MYH13: variants seen among roughly 807,000 people sequenced by gnomAD.
MYH13 encodes the protein myosin heavy chain 13.
Under a neutral mutation model 232.1 loss-of-function variants are expected in MYH13, and 177 were observed. The ratio of observed to expected loss-of-function variants is 0.76; its 90% CI spans 0.67 to 0.86. The LOEUF (loss-of-function observed/expected upper bound fraction) is 0.86, where lower values mean the gene tolerates loss of function less well. MYH13 is among the 40% of genes least tolerant of loss of function. MYH13 has a pLI of 0.00. For missense variants in MYH13, 2,246 were observed against 2,405.9 expected (o/e 0.93, Z 1.39); for synonymous variants, 884 against 923.5 (o/e 0.96, Z 0.78).
chr17:10,315,072 T>A (rs148776660), intron 29 of MYH13, among the ~76,000 whole-genome samples: 45 of 152,196 alleles, frequency 3.0e-4, no homozygotes, highest in African/African-American at 1.1e-3. Context: ...CCAGGATGAA[T>A]TGCTGGGCAG....
In MYH13 at chr17:10,309,700, C is replaced by T. The variant is rs768453663; in HGVS notation, c.4787G>A (p.Arg1596Gln). The T allele has an allele frequency of 1.2e-6, 2 of 1,607,242 alleles. No homozygotes were observed. Among genetic ancestry groups the T allele is most frequent in the South Asian group, 2.2e-5 (2 of 89,702 alleles). Residue 1596 changes from arginine to glutamine, a missense_variant, in exon 34 of 41, where the codon CGG becomes CAG. Transcript: ENST00000252172. Reference protein sequence around the residue: ...EIEQLKRNSQRAAEALQSVLD... With the variant: ...EIEQLKRNSQQAAEALQSVLD... Reference sequence around the variant, plus strand: ...CACGCTCTGCAGGGCCTCTGCTGCCCGCTGGCTGTTTCTTTTTAGCTGCTC... The same window carrying T: ...CACGCTCTGCAGGGCCTCTGCTGCCTGCTGGCTGTTTCTTTTTAGCTGCTC...
intron 29 of MYH13, 125 bp from the exon 30 acceptor site, chr17:10,313,479 A>G: frequency 1.4e-6 from 2 of 1,407,846 alleles, no homozygotes; most frequent in Non-Finnish European, 9.6e-7. Flanking sequence ...ATTTTGCCAT[A>G]TCAGCATATC....
At chr17:10,368,134 C>A (rs917588483) in intron 2 of MYH13, among the ~76,000 whole-genome samples, 1 of 152,076 alleles carries the variant, frequency 6.6e-6, no homozygotes, top group African/African-American at 2.4e-5. Context: ...TTTTCTTACA[C>A]AATATTAAAA....
intron 23 of MYH13, among the ~76,000 whole-genome samples, chr17:10,322,209 C>T (rs985478639): frequency 3.4e-5 from 5 of 147,972 alleles, no homozygotes; most frequent in South Asian, 2.2e-4. Context: ...TGACTAACAT[C>T]GTGAAACCTC....
At position 10,327,930 on chromosome 17, in the gene MYH13, TC is replaced by T. The variant is rs754016503; in HGVS notation, c.2626del (p.Glu876SerfsTer27). The T allele has an allele frequency of 1.9e-6, 3 of 1,613,942 alleles. No homozygotes were observed. The highest frequency in any genetic ancestry group is 4.5e-5 in the East Asian group (2 of 44,876). On this transcript the variant is annotated frameshift_variant, in exon 22 of 41. Coordinates refer to ENST00000252172, the MANE Select transcript of MYH13 (RefSeq NM_003802.3). LOFTEE classifies it high-confidence loss of function. ...ELARSEARRK[E>X]LEEKMVSLLQ... Reference sequence around the variant, plus strand: ...GAGGGAGACCATTTTCTCCTCCAGCTCCTTCCGGCGAGCCTCAGATCGGGCC... The same window carrying T: ...GAGGGAGACCATTTTCTCCTCCAGCTCTTCCGGCGAGCCTCAGATCGGGCC...
At position 10,359,379 on chromosome 17, in the gene MYH13, A is replaced by G. The variant is rs568685501; in HGVS notation, c.645+581T>C. On this transcript the variant is annotated intron_variant, in intron 7 of 40. Transcript: ENST00000252172. ...TCAGAGAGGTTCCAGGTTGATGAAC[A>G]CCTAGAGGTACTGGGAGGATGTCAC... Among the ~76,000 whole-genome samples the G allele has an allele frequency of 2.2e-4, 33 of 152,308 alleles. No homozygotes were observed. The South Asian group carries it at 6.8e-3, about 32-fold the overall frequency.
chr17:10,370,103 A>T (rs1472877289), intron 2 of MYH13, among the ~76,000 whole-genome samples: 1 of 152,174 alleles, frequency 6.6e-6, no homozygotes, highest in Non-Finnish European at 1.5e-5. Flanking sequence ...TTAAAGTGTG[A>T]TATCCAAACC....
At chr17:10,305,769 A>T (rs909292497) in intron 37 of MYH13, among the ~76,000 whole-genome samples, 1 of 152,238 alleles carries the variant, frequency 6.6e-6, no homozygotes, top group Admixed American at 6.5e-5. Context: ...CAAAGGGAAC[A>T]GTCAGCAAAG....
chr17:10,344,038 G>T lies in MYH13; in HGVS notation c.1656C>A (p.Asn552Lys). The T allele has an allele frequency of 6.2e-7, 1 of 1,614,214 alleles. No individual in the cohort carries two copies. The highest frequency in any genetic ancestry group is 8.5e-7 in the Non-Finnish European group (1 of 1,180,044). ...FPKATDTSFK[N>K]KLYDQHLGKS... Reference sequence around the variant, plus strand: ...TTCCAAGATGCTGGTCATACAGCTTGTTCTTGAAGGAGGTGTCTGTTGCCT... The same window carrying T: ...TTCCAAGATGCTGGTCATACAGCTTTTTCTTGAAGGAGGTGTCTGTTGCCT... Residue 552 changes from asparagine to lysine, a missense_variant, in exon 16 of 41, where the codon AAC becomes AAA. Coordinates refer to ENST00000252172, the MANE Select transcript of MYH13 (RefSeq NM_003802.3).
chr17:10,324,284 TTA>T lies in MYH13; in HGVS notation c.2692-22_2692-21del. ...TGTTTCCTGAAAGAACCAGGTCATT[TTA>T]TGTTTTGATTGGCCTCTTTGAAAAT... On this transcript the variant is annotated intron_variant, in intron 22 of 40. Coordinates refer to ENST00000252172, the MANE Select transcript of MYH13 (RefSeq NM_003802.3). 6.2e-7 allele frequency: 1 copy of T among 1,612,076 alleles called. No homozygotes were observed. The highest frequency in any genetic ancestry group is 1.1e-5 in the South Asian group (1 of 90,644).
rs900339021 is a variant in MYH13 at position 10,365,031 on chromosome 17, C to T, written c.-12-489G>A. Reference sequence around the variant, plus strand: ...GGGATCACAGGTGCCCACCACCACACCCAGCTATTTTTTTTATATTTTTAG... The same window carrying T: ...GGGATCACAGGTGCCCACCACCACATCCAGCTATTTTTTTTATATTTTTAG... On this transcript the variant is annotated intron_variant, in intron 2 of 40. Transcript: ENST00000252172. 2.6e-5 allele frequency among the ~76,000 whole-genome samples: 4 copies of T among 152,172 alleles called. No homozygotes were observed. In the East Asian group the frequency reaches 7.8e-4, roughly 30 times the overall value.
At chr17:10,322,216 C>T (rs1906972495) in intron 23 of MYH13, among the ~76,000 whole-genome samples, 1 of 143,576 alleles carries the variant, frequency 7.0e-6, no homozygotes, top group Non-Finnish European at 1.5e-5. Flanking sequence ...CATCGTGAAA[C>T]CTCGTCTCTA....
rs142105007 is a variant in MYH13, at chr17:10,352,622, T to A, written c.1006-1928A>T. Reference sequence around the variant, plus strand: ...AAAAAACAAAAAACCAAAAAAAGGCTCCGTGAGAGGAAGGAGCAACAGCCG... The same window carrying A: ...AAAAAACAAAAAACCAAAAAAAGGCACCGTGAGAGGAAGGAGCAACAGCCG... On this transcript the variant is annotated intron_variant, in intron 11 of 40. Coordinates refer to ENST00000252172, the MANE Select transcript of MYH13 (RefSeq NM_003802.3). 1.8e-3 allele frequency among the ~76,000 whole-genome samples: 268 copies of A among 151,440 alleles called. 2 individuals carry two copies. Among genetic ancestry groups the A allele is most frequent in the African/African-American group, 6.4e-3 (264 of 41,250 alleles).
chr17:10,313,338 G>GC lies in MYH13; in HGVS notation c.4000dup (p.Ala1334GlyfsTer12). The GC allele has an allele frequency of 6.2e-7, 1 of 1,614,252 alleles. No individual in the cohort carries two copies. The highest frequency in any genetic ancestry group is 1.1e-5 in the South Asian group (1 of 91,086). ...GTGGCGGGAGGACTGCAGGGCGTGCGCCATGGCGTTCTTGGCCTGGGAATG... is the reference window on the plus strand; with the variant it reads ...GTGGCGGGAGGACTGCAGGGCGTGCGCCCATGGCGTTCTTGGCCTGGGAATG... On this transcript the variant is annotated frameshift_variant, in exon 30 of 41. Coordinates refer to ENST00000252172, the MANE Select transcript of MYH13 (RefSeq NM_003802.3). LOFTEE classifies it high-confidence loss of function.
At chr17:10,325,926 C>G (rs767933639) in intron 22 of MYH13, among the ~76,000 whole-genome samples, 1 of 152,200 alleles carries the variant, frequency 6.6e-6, no homozygotes, top group Non-Finnish European at 1.5e-5. Context: ...CCGCCCGCCT[C>G]GGCCTCCCAA....
chr17:10,322,327 G>A (rs984265616), intron 23 of MYH13, among the ~76,000 whole-genome samples: 1 of 152,126 alleles, frequency 6.6e-6, no homozygotes, highest in East Asian at 1.9e-4. Flanking sequence ...GAAAACAGGA[G>A]GCAGAGGTTG....
In MYH13 at chr17:10,306,489, C is replaced by T. The variant is rs1473727024; in HGVS notation, c.5436G>A (p.Gly1812=). Residue 1812 remains glycine, a synonymous_variant, in exon 37 of 41, where the codon GGG becomes GGA. Coordinates refer to ENST00000252172, the MANE Select transcript of MYH13 (RefSeq NM_003802.3). This position sits in a 1 kb window ranked among gnomAD's most constrained non-coding sequence, Gnocchi z 4.3. ...DEAEQLALKG[G]KKQIQKLENR... is the part of the protein sequence containing the mutation. ...TCTCCAGTTTCTGGATCTGCTTCTTCCCGCCCTTCAGCGCCAGTTGTTCAG... is the reference window on the plus strand; with the variant it reads ...TCTCCAGTTTCTGGATCTGCTTCTTTCCGCCCTTCAGCGCCAGTTGTTCAG... 6.2e-7 allele frequency: 1 copy of T among 1,614,038 alleles called. No individual in the cohort carries two copies. Among genetic ancestry groups the T allele is most frequent in the African/African-American group, 1.3e-5 (1 of 74,916 alleles).
chr17:10,363,062 G>T (rs1254188453), intron 3 of MYH13, among the ~76,000 whole-genome samples: 2 of 152,078 alleles, frequency 1.3e-5, no homozygotes, highest in African/African-American at 2.4e-5. Flanking sequence ...GACATTTGGG[G>T]GTGCATCATG....
In MYH13 at chr17:10,359,986, T is replaced by C; in HGVS notation, c.619A>G (p.Lys207Glu). Reference protein sequence around the residue: ...ATIAVTGDKKKETQPGKMQGT... With the variant: ...ATIAVTGDKKEETQPGKMQGT... ...TGCATTTTGCCTGGCTGTGTCTCCTTCTTCTTGTCCCCGGTAACTGCAATT... is the reference window on the plus strand; with the variant it reads ...TGCATTTTGCCTGGCTGTGTCTCCTCCTTCTTGTCCCCGGTAACTGCAATT... Residue 207 changes from lysine (K) to glutamate (E), a missense_variant, in exon 7 of 41, where the codon AAG becomes GAG. By Grantham distance (56) the Lys-to-Glu change is moderately conservative. Transcript: ENST00000252172. The C allele has an allele frequency of 6.2e-7, 1 of 1,613,912 alleles. No homozygotes were observed. Among genetic ancestry groups the C allele is most frequent in the Non-Finnish European group, 8.5e-7 (1 of 1,179,952 alleles).
Sources: gnomAD v4.1 joint callset for allele counts (sites outside exome capture counted in the v4.1 genomes callset) on GRCh38, gnomAD v4.1.1 for gene constraint, Gnocchi (gnomAD v3.1) non-coding constraint, MANE v1.5 for transcripts, NCBI Gene and HGNC (gene_info 2026-07-23, HGNC 2026-07-21) for gene names.